CTNND2: variants seen among roughly 807,000 people sequenced by gnomAD.
CTNND2 encodes the protein catenin delta 2, also known as catenin delta-2.
A neutral mutation model predicts 144.4 loss-of-function variants in CTNND2; 22 were observed. The observed-to-expected ratio is 0.15, with a 90% CI of 0.11 to 0.22. CTNND2 has a LOEUF of 0.22. Ranked by LOEUF, CTNND2 falls within the 10% of genes least tolerant of loss-of-function variation. CTNND2 has a pLI of 1.00. For synonymous variants in CTNND2, 751 were observed against 695.6 expected, an observed-to-expected ratio of 1.08 and a Z score of -1.25; for missense variants, 1,353 against 1,618.8, an observed-to-expected ratio of 0.84 and a Z score of 2.82.
intron 10 of CTNND2, among the ~76,000 whole-genome samples, chr5:11,206,219 T>TA (rs1738032417): frequency 6.6e-6 from 1 of 152,230 alleles, no homozygotes; most frequent in Admixed American, 6.5e-5. Context: ...ATATATCGAA[T>TA]AGATCTCTTG....
chr5:11,168,040 C>A lies in CTNND2; in HGVS notation c.1976-8281G>T, dbSNP rs987218136. Reference sequence around the variant, plus strand: ...ATTTTTGATTAGTTTAAAAAATAACCTTCACTTTTGTTTTCAGAGCCTGAA... The same window carrying A: ...ATTTTTGATTAGTTTAAAAAATAACATTCACTTTTGTTTTCAGAGCCTGAA... On this transcript the variant is annotated intron_variant, in intron 11 of 21. Coordinates refer to ENST00000304623, the MANE Select transcript of CTNND2 (RefSeq NM_001332.4). Among the ~76,000 whole-genome samples, 16 of 152,016 alleles carry A rather than the reference C, an allele frequency of 1.1e-4. 1 individual carries two copies. The highest frequency in any genetic ancestry group is 3.9e-4 in the African/African-American group (16 of 41,384).
chr5:11,578,742 T>C (rs1391872454), intron 2 of CTNND2, among the ~76,000 whole-genome samples: 1 of 152,130 alleles, frequency 6.6e-6, no homozygotes, highest in Non-Finnish European at 1.5e-5. Flanking sequence ...TAAAGTGAAC[T>C]GGCAGTCAGA....
intron 14 of CTNND2, among the ~76,000 whole-genome samples, chr5:11,108,414 T>G (rs1752631524): frequency 2.6e-5 from 4 of 152,214 alleles, no homozygotes; most frequent in African/African-American, 9.6e-5. Flanking sequence ...CAGGTGAATC[T>G]TCCAGTCATT....
intron 21 of CTNND2, among the ~76,000 whole-genome samples, chr5:10,979,653 T>A (rs1411876969): frequency 2.6e-5 from 4 of 152,152 alleles, no homozygotes; most frequent in Non-Finnish European, 5.9e-5. Context: ...AACACACACA[T>A]ATACTCTCTC....
intron 9 of CTNND2, among the ~76,000 whole-genome samples, chr5:11,249,594 G>T (rs1035280286): frequency 6.6e-6 from 1 of 152,076 alleles, no homozygotes; most frequent in African/African-American, 2.4e-5. Flanking sequence ...GAGTTGTGTG[G>T]TCATTTTTGT....
intron 2 of CTNND2, among the ~76,000 whole-genome samples, chr5:11,587,492 A>T (rs189530500): frequency 1.7e-3 from 255 of 152,130 alleles, no homozygotes; most frequent in African/African-American, 5.7e-3. Flanking sequence ...ATCCATGGGT[A>T]GGCAATTAAC....
chr5:11,064,361 C>T (rs757623857), intron 16 of CTNND2, among the ~76,000 whole-genome samples: 2 of 152,068 alleles, frequency 1.3e-5, no homozygotes, highest in East Asian at 1.9e-4. Context: ...CATAACTGAG[C>T]AGAGACTAGA....
chr5:10,993,219 T>C (rs1317177176), intron 18 of CTNND2, among the ~76,000 whole-genome samples: 1 of 152,134 alleles, frequency 6.6e-6, no homozygotes, highest in African/African-American at 2.4e-5. Flanking sequence ...GGAATGATAT[T>C]TTTCAATATA....
intron 9 of CTNND2, among the ~76,000 whole-genome samples, chr5:11,266,034 C>T (rs575392308): frequency 7.9e-5 from 12 of 152,060 alleles, no homozygotes; most frequent in African/African-American, 2.9e-4. Flanking sequence ...TTTAAAGTAC[C>T]TTTCATTTAC....
At chr5:11,249,845 C>T (rs1385251811) in intron 9 of CTNND2, among the ~76,000 whole-genome samples, 2 of 150,326 alleles carry the variant, frequency 1.3e-5, no homozygotes, top group Non-Finnish European at 3.0e-5. Context: ...CATTAGTGTC[C>T]ATGTCAAAAA....
chr5:11,346,656 A>T (rs1160753849), intron 8 of CTNND2, 29 bp from the exon 9 acceptor site: 2 of 1,433,204 alleles, frequency 1.4e-6, no homozygotes, highest in Non-Finnish European at 1.8e-6. Context: ...GACAAAGTAA[A>T]AAATTGAGGA....
At chr5:11,155,899 C>T (rs772221760) in intron 12 of CTNND2, among the ~76,000 whole-genome samples, 18 of 152,318 alleles carry the variant, frequency 1.2e-4, no homozygotes, top group Admixed American at 3.3e-4. Context: ...GCTATGTCAA[C>T]ATGATATAGC....
At chr5:11,357,544 G>A (rs1357757232) in intron 8 of CTNND2, among the ~76,000 whole-genome samples, 1 of 152,112 alleles carries the variant, frequency 6.6e-6, no homozygotes, top group Non-Finnish European at 1.5e-5. Context: ...GGAGGAGGAT[G>A]AACAGGGGAG....
intron 1 of CTNND2, among the ~76,000 whole-genome samples, chr5:11,757,986 C>G (rs4702822): frequency 0.041 from 6,255 of 152,074 alleles, 186 homozygotes; most frequent in Admixed American, 0.074. Flanking sequence ...AACTAAATTT[C>G]TGACATCTTG....
chr5:11,689,117 T>C (rs1784783538), intron 2 of CTNND2, among the ~76,000 whole-genome samples: 1 of 152,232 alleles, frequency 6.6e-6, no homozygotes. Context: ...GTATCTCTGA[T>C]ATGGAGCATA....
intron 2 of CTNND2, among the ~76,000 whole-genome samples, chr5:11,672,192 A>G (rs1783908187): frequency 6.6e-6 from 1 of 152,160 alleles, no homozygotes; most frequent in Non-Finnish European, 1.5e-5. Context: ...TGCCAGCCAG[A>G]GCTCTCCTGT....
At chr5:11,574,151 T>C (rs141533899) in intron 2 of CTNND2, among the ~76,000 whole-genome samples, 19 of 152,102 alleles carry the variant, frequency 1.2e-4, no homozygotes, top group Non-Finnish European at 2.2e-4. Context: ...CTGAAAATGT[T>C]CCATTAGTGA....
chr5:11,016,604 C>G (rs963741798), intron 18 of CTNND2, among the ~76,000 whole-genome samples: 4 of 152,176 alleles, frequency 2.6e-5, no homozygotes, highest in Non-Finnish European at 5.9e-5. Context: ...ATGATCTTGG[C>G]TTTCCCACTC....
At chr5:11,588,729 T>C (rs1374358223) in intron 2 of CTNND2, 1 of 984,098 alleles carries the variant, frequency 1.0e-6, no homozygotes, top group Non-Finnish European at 1.2e-6. Flanking sequence ...ACTTTTTGTC[T>C]TTTACCTTTA....
Sources: gnomAD v4.1 joint callset for allele counts (sites outside exome capture counted in the v4.1 genomes callset) on GRCh38, gnomAD v4.1.1 for gene constraint, MANE v1.5 for transcripts, NCBI Gene and HGNC (gene_info 2026-07-23, HGNC 2026-07-21) for gene names.